The following GGT6 variants were observed in gnomAD, a reference collection of about 807,000 sequenced individuals.
GGT6 encodes the protein glutathione hydrolase 6.
Under a neutral mutation model 17.0 loss-of-function variants are expected in GGT6, and 13 were observed. The observed-to-expected ratio is 0.77, with a 90% CI of 0.50 to 1.22. GGT6 has a LOEUF of 1.22. GGT6 is among the 50% of genes most tolerant of loss of function. The pLI is 0.00. For missense variants in GGT6, 628 were observed against 643.7 expected, an observed-to-expected ratio of 0.98 and a Z score of 0.26; for synonymous variants, 305 against 297.9, an observed-to-expected ratio of 1.02 and a Z score of -0.25.
intron 1 of GGT6, 104 bp downstream of exon 1, chr17:4,560,277 TA>T: frequency 7.5e-7 from 1 of 1,337,698 alleles, no homozygotes. Flanking sequence ...TGCCTGGAGC[TA>T]AACCCAGCGG....
At chr17:4,559,188 G>C (rs1204400872) in intron 3 of GGT6, 131 bp from the exon 4 acceptor site, 3 of 1,286,210 alleles carry the variant, frequency 2.3e-6, no homozygotes, top group South Asian at 1.4e-5. Context: ...CCACAGACCC[G>C]GGCTCAAGGG....
In GGT6 at chr17:4,558,003, A is replaced by AC. The variant is rs752995659; in HGVS notation, c.*11dup. On this transcript the variant is annotated 3_prime_UTR_variant, in exon 4 of 4. Transcript: ENST00000381550. ...GATAACTCTGCCTTCTGCCAGACCC[A>AC]CCCCCATCCTGTTAGAACCCCTGGA... 2 of 1,498,042 alleles carry AC rather than the reference A, an allele frequency of 1.3e-6. No individual in the cohort carries two copies. Among genetic ancestry groups the AC allele is most frequent in the East Asian group, 2.3e-5 (1 of 43,930 alleles). 92.8% of individuals were successfully genotyped at this position (1,498,042 alleles called of 1,614,324 possible). A position where few individuals can be genotyped will look rare whatever the true frequency, so the allele number is the denominator to read the frequency against.
rs374885384 is a variant in GGT6 at position 4,558,512 on chromosome 17, G to T, written c.1003C>A (p.Arg335Ser). 6.3e-7 allele frequency: 1 copy of T among 1,595,806 alleles called. No homozygotes were observed. The highest frequency in any genetic ancestry group is 1.3e-5 in the African/African-American group (1 of 74,866). Residue 335 changes from arginine to serine, a missense_variant, in exon 4 of 4, where the codon CGC becomes AGC. Arg to Ser is a moderately radical substitution (Grantham distance 110). Transcript: ENST00000381550. ...ELLALLEAALRSGAPIPDPCP... is the reference protein window; with the variant it reads ...ELLALLEAALSSGAPIPDPCP... ...GGGTCAGGGATGGGCGCCCCGGAGC[G>T]CAGGGCTGCCTCCAACAGTGCCAGC...
rs765045207 is a variant in GGT6 at position 4,560,444 on chromosome 17, C to T, written c.78G>A (p.Val26=). 3.1e-5 allele frequency: 50 copies of T among 1,613,902 alleles called. No homozygotes were observed. Among genetic ancestry groups the T allele is most frequent in the Non-Finnish European group, 4.1e-5 (48 of 1,179,958 alleles). ...GCGCCTCTGATGTCTCCTCCTCCTC[C>T]ACTTCCTCCTCCGACTCCAAGCTTG... The part of the protein sequence containing the change: ...WEPSLESEEE[V]EEEETSEALV... The change falls in exon 1 of 4, where the codon GTG becomes GTA. Residue 26 remains valine, a synonymous_variant. Transcript: ENST00000381550.
downstream of GGT6, among the ~76,000 whole-genome samples, chr17:4,556,276 A>G (rs1243540322): frequency 1.3e-5 from 2 of 151,984 alleles, no homozygotes; most frequent in African/African-American, 4.8e-5. Flanking sequence ...ATTTAGAGAT[A>G]GTGGTGGACT....
In GGT6 at chr17:4,559,649, C is replaced by G. The variant is rs145923439; in HGVS notation, c.252G>C (p.Ser84=). The change falls in exon 2 of 4, where the codon TCG becomes TCC. Residue 84 remains serine, a synonymous_variant. Transcript: ENST00000381550. ...GGGCCACAGAGCCCAAGCTTCCTGT[C>G]GACCTGCCCTGATTCTGGAGCTGCC... ...AVRQLQNQGR[S]TGSLGSVAPP... The G allele has an allele frequency of 1.9e-6, 3 of 1,613,390 alleles. No individual in the cohort carries two copies. Among genetic ancestry groups the G allele is most frequent in the Non-Finnish European group, 2.5e-6 (3 of 1,180,008 alleles).
downstream of GGT6, among the ~76,000 whole-genome samples, chr17:4,556,328 T>C (rs980529057): frequency 3.3e-5 from 5 of 152,012 alleles, no homozygotes; most frequent in African/African-American, 1.2e-4. Flanking sequence ...TGGGCTGATG[T>C]GGAGCAGGTG....
At position 4,559,407 on chromosome 17, in the gene GGT6, G is replaced by T; in HGVS notation, c.393C>A (p.Val131=). ...GRELLVAGGN[V]VDAGVGAALC... ...ATGCAGCTCCAACTCCAGCATCCAC[G>T]ACGTTGCCCCCGGCAACAAGCAGCT... The change falls in exon 3 of 4, where the codon GTC becomes GTA. Residue 131 remains valine, a synonymous_variant. Coordinates refer to ENST00000381550, the MANE Select transcript of GGT6 (RefSeq NM_001288702.2). 6.4e-7 allele frequency: 1 copy of T among 1,551,810 alleles called. No individual in the cohort carries two copies. The highest frequency in any genetic ancestry group is 1.4e-5 in the African/African-American group (1 of 73,160).
chr17:4,556,642 C>T (rs1300121840), downstream of GGT6, among the ~76,000 whole-genome samples: 11 of 152,234 alleles, frequency 7.2e-5, no homozygotes, highest in Non-Finnish European at 1.3e-4. Flanking sequence ...AATTTCCACA[C>T]GCTCAACTCC....
At position 4,558,056 on chromosome 17, in the gene GGT6, A is replaced by C. The variant is rs1471815554; in HGVS notation, c.1459T>G (p.Ser487Ala). Residue 487 changes from serine (S) to alanine (A), a missense_variant, in exon 4 of 4, where the codon TCC becomes GCC. Physicochemically the swap from Ser to Ala is moderately conservative, Grantham distance 99. Transcript: ENST00000381550. ...GGGCAGCAGGCATGGGGGACACTGG[A>C]GACATGGGCGTGCTCTGTGTGGGCT... Reference protein sequence around the residue: ...VAAHTEHAHVSSVPHACCPFQ... With the variant: ...VAAHTEHAHVASVPHACCPFQ... The C allele has an allele frequency of 6.4e-7, 1 of 1,574,442 alleles. No homozygotes were observed. Among genetic ancestry groups the C allele is most frequent in the Admixed American group, 1.8e-5 (1 of 57,134 alleles).
chr17:4,559,668 A>T lies in GGT6; in HGVS notation c.233T>A (p.Leu78His), dbSNP rs1189989129. 2 of 1,613,128 alleles carry T rather than the reference A, an allele frequency of 1.2e-6. No homozygotes were observed. Among genetic ancestry groups the T allele is most frequent in the Admixed American group, 3.3e-5 (2 of 60,018 alleles). Residue 78 changes from leucine (L) to histidine (H), a missense_variant, in exon 2 of 4, where the codon CTC becomes CAC. Leu to His is a moderately conservative substitution (Grantham distance 99). Coordinates refer to ENST00000381550, the MANE Select transcript of GGT6 (RefSeq NM_001288702.2). ...AVGCSLAVRQ[L>H]QNQGRSTGSL... is the part of the protein sequence containing the mutation. ...TCCTGTCGACCTGCCCTGATTCTGG[A>T]GCTGCCTCACAGCCAGGGAGCAGCC...
chr17:4,558,302 C>T lies in GGT6; in HGVS notation c.1213G>A (p.Ala405Thr), dbSNP rs752981647. The T allele has an allele frequency of 6.2e-7, 1 of 1,613,298 alleles. No individual in the cohort carries two copies. The highest frequency in any genetic ancestry group is 1.7e-5 in the Admixed American group (1 of 60,034). The change falls in exon 4 of 4, where the codon GCC becomes ACC. Residue 405 changes from alanine (A) to threonine (T), a missense_variant. By Grantham distance (58) the Ala-to-Thr change is moderately conservative (BLOSUM62 0). Coordinates refer to ENST00000381550, the MANE Select transcript of GGT6 (RefSeq NM_001288702.2). ...LVAKSTTSAW[A>T]CPLILRGSLD... Reference sequence around the variant, plus strand: ...CTGCCACGGAGGATGAGGGGGCAGGCCCAGGCACTAGTGGTAGACTTGGCC... The same window carrying T: ...CTGCCACGGAGGATGAGGGGGCAGGTCCAGGCACTAGTGGTAGACTTGGCC...
At chr17:4,560,287 G>T in intron 1 of GGT6, 95 bp downstream of exon 1, 4 of 1,416,148 alleles carry the variant, frequency 2.8e-6, no homozygotes, top group Non-Finnish European at 3.9e-6. Context: ...TAAACCCAGC[G>T]GGGAGTCGCC....
rs770102875 is a variant in GGT6, at chr17:4,558,507, G to A, written c.1008C>T (p.Ser336=). The A allele has an allele frequency of 1.7e-5, 27 of 1,598,810 alleles. No individual in the cohort carries two copies. Among genetic ancestry groups the A allele is most frequent in the East Asian group, 1.3e-4 (6 of 44,492 alleles). ...GGCAGGGGTCAGGGATGGGCGCCCC[G>A]GAGCGCAGGGCTGCCTCCAACAGTG... ...LLALLEAALR[S]GAPIPDPCPP... The change falls in exon 4 of 4, where the codon TCC becomes TCT. Residue 336 remains serine, a synonymous_variant. Transcript: ENST00000381550.
At chr17:4,556,363 G>C (rs573289201), downstream of GGT6, among the ~76,000 whole-genome samples, 1 of 152,210 alleles carries the variant, frequency 6.6e-6, no homozygotes, top group East Asian at 1.9e-4. Context: ...GTTAGATGTC[G>C]GGGGAGAGGA....
downstream of GGT6, among the ~76,000 whole-genome samples, chr17:4,556,545 C>T (rs1375968044): frequency 6.6e-6 from 1 of 152,148 alleles, no homozygotes; most frequent in African/African-American, 2.4e-5. Flanking sequence ...GTCACCCTCG[C>T]TTCTTGGTTT....
In GGT6 at chr17:4,558,408, G is replaced by A. The variant is rs1201751237; in HGVS notation, c.1107C>T (p.Leu369=). The change falls in exon 4 of 4, where the codon CTC becomes CTT. Residue 369 remains leucine, a synonymous_variant. Coordinates refer to ENST00000381550, the MANE Select transcript of GGT6 (RefSeq NM_001288702.2). ...AGCAGTTGAGCGAGGAGGTGAGAAG[G>A]AGCACAGAGCCGCTGCTGTCCACGG... ...LAAVDSSGSV[L]LLTSSLNCSF... 2.5e-6 allele frequency: 4 copies of A among 1,605,360 alleles called. No homozygotes were observed. Among genetic ancestry groups the A allele is most frequent in the Non-Finnish European group, 3.4e-6 (4 of 1,180,000 alleles).
rs1908326319 is a variant in GGT6, at chr17:4,558,385, C to T, written c.1130G>A (p.Cys377Tyr). The change falls in exon 4 of 4, where the codon TGC (cysteine) becomes TAC (tyrosine). Residue 377 changes from cysteine to tyrosine, a missense_variant. Transcript: ENST00000381550. Reference sequence around the variant, plus strand: ...GGACAGGTGTGCAGAGCCAAAGGAGCAGTTGAGCGAGGAGGTGAGAAGGAG... The same window carrying T: ...GGACAGGTGTGCAGAGCCAAAGGAGTAGTTGAGCGAGGAGGTGAGAAGGAG... ...SVLLLTSSLNCSFGSAHLSPS... is the reference protein window; with the variant it reads ...SVLLLTSSLNYSFGSAHLSPS... The T allele has an allele frequency of 1.9e-6, 3 of 1,605,548 alleles. No homozygotes were observed. The highest frequency in any genetic ancestry group is 2.5e-6 in the Non-Finnish European group (3 of 1,179,986).
rs756574650 is a variant in GGT6 at position 4,558,755 on chromosome 17, G to A, written c.760C>T (p.Arg254Ter). The A allele has an allele frequency of 2.7e-5, 42 of 1,581,594 alleles. No individual in the cohort carries two copies. The highest frequency in any genetic ancestry group is 2.0e-4 in the South Asian group (17 of 86,852). Residue 254 changes from arginine (R) to a stop codon, truncating the protein, a stop_gained, in exon 4 of 4, where the codon CGA becomes TGA. Transcript: ENST00000381550. LOFTEE classifies it low-confidence loss of function (END_TRUNC). ...GCTGCCAGTTGTGGGTTGGTGGCTC[G>A]GGCCCCAGCGCCCAGGGGTGTCCCA... ...ADGTPLGAGA[R>*]ATNPQLAAVL...
Sources: allele counts gnomAD v4.1 joint callset (sites outside exome capture counted in the v4.1 genomes callset), GRCh38; gene constraint gnomAD v4.1.1; transcripts MANE v1.5; gene names NCBI Gene and HGNC (gene_info 2026-07-23, HGNC 2026-07-21).